The following CAB39 variants were observed in gnomAD, a reference collection of about 807,000 sequenced individuals.
CAB39 encodes the protein calcium binding protein 39.
Under a neutral mutation model 40.0 loss-of-function variants are expected in CAB39, and 8 were observed. That is an observed-to-expected ratio of 0.20 (90% confidence interval 0.12 to 0.36). The LOEUF is 0.36. CAB39 is among the 10% of genes least tolerant of loss of function. CAB39 has a pLI of 1.00. For synonymous variants in CAB39, 156 were observed against 141.6 expected (o/e 1.10, Z -0.72); for missense variants, 270 against 401.1 (o/e 0.67, Z 2.79).
chr2:230,812,717 G>T (rs777706728), intron 6 of CAB39, among the ~76,000 whole-genome samples: 5 of 152,196 alleles, frequency 3.3e-5, no homozygotes, highest in African/African-American at 4.8e-5. Flanking sequence ...CTGCCAAGAG[G>T]CAGGCAGAAG....
intron 7 of CAB39, among the ~76,000 whole-genome samples, chr2:230,816,594 G>A (rs1224148660): frequency 6.6e-6 from 1 of 152,162 alleles, no homozygotes; most frequent in Non-Finnish European, 1.5e-5. Flanking sequence ...CAAGTATCTA[G>A]AACATAGCCA....
chr2:230,742,581 A>G (rs900343693), intron 1 of CAB39, among the ~76,000 whole-genome samples: 1 of 151,842 alleles, frequency 6.6e-6, no homozygotes, highest in African/African-American at 2.4e-5. Context: ...AAAAAAATCT[A>G]AACAGCCAAA....
intron 2 of CAB39, among the ~76,000 whole-genome samples, chr2:230,783,309 T>A (rs902842813): frequency 6.6e-6 from 1 of 152,240 alleles, no homozygotes; most frequent in Non-Finnish European, 1.5e-5. Flanking sequence ...TGTTCAGTGC[T>A]GTAACTCTTT....
chr2:230,742,204 T>G (rs1694890333), intron 1 of CAB39, among the ~76,000 whole-genome samples: 1 of 152,136 alleles, frequency 6.6e-6, no homozygotes, highest in African/African-American at 2.4e-5. Context: ...AGATGGAGTC[T>G]TGCTCTGTCG....
At chr2:230,744,535 G>A (rs6722579) in intron 1 of CAB39, among the ~76,000 whole-genome samples, 31,575 of 148,548 alleles carry the variant, frequency 0.21, 6,193 homozygotes, top group African/African-American at 0.53. Flanking sequence ...CTCGTGATCC[G>A]CTCACCTTGG....
chr2:230,797,655 T>TG (rs1303148600), intron 4 of CAB39, among the ~76,000 whole-genome samples: 5 of 150,854 alleles, frequency 3.3e-5, no homozygotes, highest in Non-Finnish European at 4.4e-5. Context: ...GACATGGAGG[T>TG]GGGGTTAGTA....
intron 2 of CAB39, among the ~76,000 whole-genome samples, chr2:230,782,525 C>A (rs1411265905): frequency 6.6e-6 from 1 of 151,718 alleles, no homozygotes; most frequent in Non-Finnish European, 1.5e-5. Flanking sequence ...AATATTCAAG[C>A]AAGTCTGAAA....
At chr2:230,815,904 A>G (rs1304844019) in intron 7 of CAB39, among the ~76,000 whole-genome samples, 1 of 152,202 alleles carries the variant, frequency 6.6e-6, no homozygotes, top group Admixed American at 6.5e-5. Context: ...CCACATTGGC[A>G]TTTATTTATT....
chr2:230,725,326 A>T (rs1694544782), intron 1 of CAB39: 4 of 1,577,236 alleles, frequency 2.5e-6, no homozygotes, highest in Non-Finnish European at 2.6e-6. Context: ...GGACTTCACC[A>T]ATCCCAGCCA....
chr2:230,721,215 A>C (rs1694446193), intron 1 of CAB39, among the ~76,000 whole-genome samples: 1 of 152,100 alleles, frequency 6.6e-6, no homozygotes, highest in Non-Finnish European at 1.5e-5. Flanking sequence ...CAGATCACTT[A>C]AGGTCAGGAG....
chr2:230,734,823 A>G (rs1694758064), intron 1 of CAB39, among the ~76,000 whole-genome samples: 1 of 152,254 alleles, frequency 6.6e-6, no homozygotes, highest in African/African-American at 2.4e-5. Flanking sequence ...GAGTCACTGC[A>G]CTTACATTCT....
chr2:230,776,263 T>C (rs1434933749), intron 2 of CAB39, among the ~76,000 whole-genome samples: 2 of 152,196 alleles, frequency 1.3e-5, no homozygotes, highest in Non-Finnish European at 2.9e-5. Context: ...TACTTTGTTT[T>C]GTTTATTTTG....
intron 4 of CAB39, 87 bp from the exon 5 acceptor site, chr2:230,798,640 CTT>C (rs930440850): frequency 9.1e-7 from 1 of 1,102,434 alleles, no homozygotes; most frequent in Non-Finnish European, 1.3e-6. Context: ...TGAAAACTGT[CTT>C]TGGCCTGAAA....
intron 4 of CAB39, 118 bp downstream of exon 4, chr2:230,793,449 C>T: frequency 4.2e-6 from 2 of 470,764 alleles, no homozygotes. Flanking sequence ...GATAATTTTT[C>T]CATAGATTTT....
At chr2:230,763,983 G>A (rs901874174) in intron 2 of CAB39, among the ~76,000 whole-genome samples, 1 of 152,018 alleles carries the variant, frequency 6.6e-6, no homozygotes, top group Non-Finnish European at 1.5e-5. Flanking sequence ...TTAGCCGGGT[G>A]TGGTGGCACG....
chr2:230,764,637 A>G (rs1021661766), intron 2 of CAB39, among the ~76,000 whole-genome samples: 3 of 152,334 alleles, frequency 2.0e-5, no homozygotes, highest in Admixed American at 6.5e-5. Context: ...AAGCTTATTC[A>G]TGATCTAGTC....
intron 4 of CAB39, among the ~76,000 whole-genome samples, chr2:230,794,165 G>A (rs1035755817): frequency 3.9e-5 from 6 of 152,280 alleles, no homozygotes; most frequent in Admixed American, 2.6e-4. Context: ...TGGCTTTATA[G>A]CTTGCCTCAG....
At chr2:230,767,751 TGTCTCCTAATACTCTTCACCACATTG>T (rs1480522337) in intron 2 of CAB39, among the ~76,000 whole-genome samples, 1 of 152,192 alleles carries the variant, frequency 6.6e-6, no homozygotes, top group Non-Finnish European at 1.5e-5. Flanking sequence ...TTTATGATCT[TGTCTCCTAATACTCTTCACCACATTG>T]GTCTCCTTTC....
intron 2 of CAB39, among the ~76,000 whole-genome samples, chr2:230,763,913 G>C (rs914117148): frequency 6.6e-6 from 1 of 152,146 alleles, no homozygotes; most frequent in Non-Finnish European, 1.5e-5. Context: ...CTTGAGTTCA[G>C]GAGTTCGAGA....
Sources: allele counts gnomAD v4.1 joint callset (sites outside exome capture counted in the v4.1 genomes callset), GRCh38; gene constraint gnomAD v4.1.1; transcripts MANE v1.5; gene names NCBI Gene and HGNC (gene_info 2026-07-23, HGNC 2026-07-21).